Variants in CABIN1 observed in about 807,000 individuals in gnomAD.
CABIN1 encodes calcineurin binding protein 1, also known as calcineurin-binding protein cabin-1.
Under a neutral mutation model 227.7 loss-of-function variants are expected in CABIN1, and 133 were observed. That is an observed-to-expected ratio of 0.58 (90% CI 0.51 to 0.67). The LOEUF (loss-of-function observed/expected upper bound fraction) is 0.67. CABIN1 is among the 30% of genes least tolerant of loss of function. The pLI, the probability that CABIN1 is intolerant of heterozygous loss-of-function variation, is 0.00. For synonymous variants in CABIN1, 1,086 were observed against 1,155.1 expected (o/e 0.94, Z 1.21); for missense variants, 2,408 against 2,852.5 (o/e 0.84, Z 3.55).
chr22:24,165,514 C>A lies in CABIN1; in HGVS notation c.4911-16C>A, dbSNP rs760787765. 6.2e-7 allele frequency: 1 copy of A among 1,608,652 alleles called. No individual in the cohort carries two copies. The highest frequency in any genetic ancestry group is 8.5e-7 in the Non-Finnish European group (1 of 1,177,468). On this transcript the variant is annotated splice_polypyrimidine_tract_variant and intron_variant, in intron 30 of 36. Transcript: ENST00000263119. ...ATGCCCTCCTGTCCTCTCTGACTAC[C>A]CCTGTATGACCGCAGGAAGTATCTG... is the stretch of plus-strand genomic sequence containing the variant.
chr22:24,025,392 A>T (rs1014708610), intron 1 of CABIN1, among the ~76,000 whole-genome samples: 1 of 152,176 alleles, frequency 6.6e-6, no homozygotes, highest in Admixed American at 6.6e-5. Context: ...CTGTGAAAAC[A>T]TCGATAGCCT....
At chr22:24,062,569 G>C (rs2039277806) in intron 13 of CABIN1, among the ~76,000 whole-genome samples, 2 of 152,034 alleles carry the variant, frequency 1.3e-5, no homozygotes, top group Non-Finnish European at 2.9e-5. Context: ...ATGTTAGCCA[G>C]GCTGGTCTTG....
chr22:24,072,579 A>G, intron 18 of CABIN1, 69 bp downstream of exon 18: 2 of 1,586,128 alleles, frequency 1.3e-6, no homozygotes, highest in Non-Finnish European at 1.7e-6. Flanking sequence ...CCTCTGCCCT[A>G]GGGTCCTGGA....
chr22:24,015,222 C>T (rs1268470091), intron 1 of CABIN1, among the ~76,000 whole-genome samples: 3 of 127,266 alleles, frequency 2.4e-5, no homozygotes, highest in Admixed American at 9.6e-5. Context: ...GCCGAGATTG[C>T]ACCACTGCAC....
At chr22:24,101,032 C>T (rs1204577991) in intron 26 of CABIN1, among the ~76,000 whole-genome samples, 1 of 152,188 alleles carries the variant, frequency 6.6e-6, no homozygotes, top group African/African-American at 2.4e-5. Flanking sequence ...CATGGCCTCA[C>T]AAGAGGTGGA....
chr22:24,104,670 T>C (rs2042411303), intron 26 of CABIN1, among the ~76,000 whole-genome samples: 1 of 152,208 alleles, frequency 6.6e-6, no homozygotes, highest in Non-Finnish European at 1.5e-5. Context: ...CATCCAGTCT[T>C]CTCAGCCTGA....
intron 28 of CABIN1, among the ~76,000 whole-genome samples, chr22:24,126,126 C>G (rs367663337): frequency 5.3e-5 from 8 of 152,318 alleles, no homozygotes; most frequent in East Asian, 1.9e-4. Context: ...TGTGCTCCCC[C>G]CAGTGTGTTT....
Position 24,087,506 on chromosome 22 carries a change from G to A in CABIN1, c.3318G>A (p.Lys1106=), listed in dbSNP as rs147391076. Residue 1106 remains lysine (K), a synonymous_variant, in exon 23 of 37, where the codon AAG becomes AAA. Transcript: ENST00000263119. ...ALARASRIQD[K]LNSNELKSDG... ...CCCGGGCCAGCCGCATTCAGGACAA[G>A]CTGAACTCCAATGAGCTGAAGAGTG... 2.6e-3 allele frequency: 4,117 copies of A among 1,614,196 alleles called. 14 individuals are homozygous for A. Among genetic ancestry groups the A allele is most frequent in the Middle Eastern group, 4.8e-3 (29 of 6,062 alleles).
chr22:24,062,073 A>T (rs1442687429), intron 13 of CABIN1, 48 bp downstream of exon 13: 2 of 1,451,512 alleles, frequency 1.4e-6, no homozygotes, highest in Admixed American at 3.3e-5. Flanking sequence ...CTGAACCCCC[A>T]GCAGCTGGGA....
chr22:24,105,525 T>A (rs917338432), intron 26 of CABIN1, among the ~76,000 whole-genome samples: 6 of 152,190 alleles, frequency 3.9e-5, no homozygotes, highest in African/African-American at 1.4e-4. Context: ...TTCTTTCCTG[T>A]TGGCCTCCAA....
intron 16 of CABIN1, among the ~76,000 whole-genome samples, chr22:24,067,394 G>A (rs910556212): frequency 6.6e-6 from 1 of 152,230 alleles, no homozygotes; most frequent in Non-Finnish European, 1.5e-5. Context: ...CTAGGGTTCT[G>A]CGTGGCTCAG....
chr22:24,148,596 C>T (rs540410990), intron 29 of CABIN1, among the ~76,000 whole-genome samples: 2 of 152,266 alleles, frequency 1.3e-5, no homozygotes, highest in Admixed American at 1.3e-4. Context: ...TTTAGTCCTG[C>T]TGTGACTTCC....
chr22:24,048,444 A>G (rs2038065505), intron 6 of CABIN1, among the ~76,000 whole-genome samples: 1 of 151,894 alleles, frequency 6.6e-6, no homozygotes, highest in Non-Finnish European at 1.5e-5. Flanking sequence ...TCCTTGAAAC[A>G]GGGTCTCACT....
intron 1 of CABIN1, among the ~76,000 whole-genome samples, chr22:24,023,064 T>C (rs980354038): frequency 6.6e-6 from 1 of 152,256 alleles, no homozygotes; most frequent in East Asian, 1.9e-4. Flanking sequence ...ACTTTGTGTT[T>C]ATTAGGCAGT....
Position 24,087,456 on chromosome 22 carries a change from G to A in CABIN1, c.3268G>A (p.Asp1090Asn). 6.2e-7 allele frequency: 1 copy of A among 1,613,846 alleles called. No individual in the cohort carries two copies. ...HDICICPNRFDSWAGMALARA... is the reference protein window; with the variant it reads ...HDICICPNRFNSWAGMALARA... ...GTGCTTTTGTTACCACCACAGGTTTGATTCCTGGGCAGGCATGGCTCTGGC... is the reference window on the plus strand; with the variant it reads ...GTGCTTTTGTTACCACCACAGGTTTAATTCCTGGGCAGGCATGGCTCTGGC... Residue 1090 changes from aspartate to asparagine, a missense_variant, in exon 23 of 37, where the codon GAT (aspartate) becomes AAT (asparagine). By Grantham distance (23) the Asp-to-Asn change is conservative (BLOSUM62 1). Coordinates refer to ENST00000263119, the MANE Select transcript of CABIN1 (RefSeq NM_012295.4).
At chr22:24,157,000 C>A (rs183011425) in intron 29 of CABIN1, among the ~76,000 whole-genome samples, 144 of 152,260 alleles carry the variant, frequency 9.5e-4, no homozygotes, top group Non-Finnish European at 1.7e-3. Context: ...AGAATCATTA[C>A]CTGTGGATGG....
chr22:24,014,118 C>G (rs1367837885), intron 1 of CABIN1, among the ~76,000 whole-genome samples: 1 of 152,204 alleles, frequency 6.6e-6, no homozygotes, highest in Non-Finnish European at 1.5e-5. Context: ...TTCTCGTTCT[C>G]CACAAATTTG....
chr22:24,077,089 C>T (rs550204819), intron 19 of CABIN1, among the ~76,000 whole-genome samples: 6 of 152,264 alleles, frequency 3.9e-5, no homozygotes, highest in African/African-American at 1.4e-4. Flanking sequence ...TAGTATCTGG[C>T]CCTTTAAGAA....
intron 23 of CABIN1, among the ~76,000 whole-genome samples, chr22:24,090,883 G>T (rs976899413): frequency 6.6e-6 from 1 of 152,278 alleles, no homozygotes; most frequent in Middle Eastern, 3.4e-3. Context: ...CTTCTCTCTA[G>T]CTTCCAGCCC....
Sources: gnomAD v4.1 joint callset for allele counts (sites outside exome capture counted in the v4.1 genomes callset) on GRCh38, gnomAD v4.1.1 for gene constraint, MANE v1.5 for transcripts, NCBI Gene and HGNC (gene_info 2026-07-23, HGNC 2026-07-21) for gene names.